LRRC56: variants seen among roughly 807,000 people sequenced by gnomAD.
LRRC56 encodes leucine-rich repeat-containing protein 56.
Under a neutral mutation model 47.8 loss-of-function variants are expected in LRRC56, and 41 were observed. That is an observed-to-expected ratio of 0.86 (90% confidence interval 0.67 to 1.11). The LOEUF is 1.11. LRRC56 is among the 50% of genes most tolerant of loss of function. The pLI, the probability that LRRC56 is intolerant of heterozygous loss-of-function variation, is 0.00. For synonymous variants in LRRC56, 387 were observed against 311.2 expected (o/e 1.24, Z -2.56); for missense variants, 759 against 704.2 (o/e 1.08, Z -0.88).
intron 8 of LRRC56, 62 bp downstream of exon 8, chr11:550,334 G>A: frequency 2.1e-6 from 3 of 1,437,410 alleles, no homozygotes. Flanking sequence ...TGTGGCTCCA[G>A]CCCCGGGGCC....
In LRRC56 at chr11:554,747, C is replaced by T. The variant is rs1053365657; in HGVS notation, c.*471C>T. On this transcript the variant is annotated 3_prime_UTR_variant, in exon 14 of 14. Transcript: ENST00000270115. Reference sequence around the variant, plus strand: ...GCCGCCGGGGGTGCGGTCCAGGCCTCCCGTCTCCGGGGGATCTGTAGGGTT... The same window carrying T: ...GCCGCCGGGGGTGCGGTCCAGGCCTTCCGTCTCCGGGGGATCTGTAGGGTT... 22 of 485,174 alleles carry T rather than the reference C, an allele frequency of 4.5e-5. No homozygotes were observed. Among genetic ancestry groups the T allele is most frequent in the African/African-American group, 1.5e-4 (7 of 48,262 alleles). The allele number at this position is 485,174 out of a possible 1,614,324, so 30.1% of individuals were successfully genotyped here. A position where few individuals can be genotyped will look rare whatever the true frequency, so the allele number is the denominator to read the frequency against.
chr11:518,807 A>G, the LRRC56 span, among the ~76,000 whole-genome samples: 1 of 151,742 alleles, frequency 6.6e-6, no homozygotes, highest in Non-Finnish European at 1.5e-5. Flanking sequence ...CCCCTCCTGG[A>G]TGTGGCCGGC....
chr11:523,228 C>T, the LRRC56 span, among the ~76,000 whole-genome samples: 1 of 152,048 alleles, frequency 6.6e-6, no homozygotes, highest in Admixed American at 6.5e-5. Context: ...AGAGTTTCAC[C>T]ACGTTGGTCA....
chr11:518,214 G>A, the LRRC56 span, among the ~76,000 whole-genome samples: 8 of 150,890 alleles, frequency 5.3e-5, no homozygotes, highest in Admixed American at 2.6e-4. Flanking sequence ...ATGGAGTCTC[G>A]CTCTGTCGCC....
chr11:540,085 G>A (rs1851720255), intron 3 of LRRC56, among the ~76,000 whole-genome samples: 1 of 152,228 alleles, frequency 6.6e-6, no homozygotes, highest in African/African-American at 2.4e-5. Context: ...AAGCCACTCT[G>A]ACTCTTGCAG....
the LRRC56 span, among the ~76,000 whole-genome samples, chr11:525,732 C>A: frequency 6.6e-6 from 1 of 151,640 alleles, no homozygotes; most frequent in East Asian, 1.9e-4. Flanking sequence ...CTGGTCTGTA[C>A]GAAAAATTAA....
chr11:511,181 C>T, the LRRC56 span, among the ~76,000 whole-genome samples: 3 of 151,792 alleles, frequency 2.0e-5, no homozygotes, highest in South Asian at 4.2e-4. Flanking sequence ...ATTAGCCGGG[C>T]GTGGTGGCGG....
At chr11:548,765 G>A (rs117750520) in intron 6 of LRRC56, among the ~76,000 whole-genome samples, 2,238 of 152,270 alleles carry the variant, frequency 0.015, 21 homozygotes, top group Middle Eastern at 0.031. Flanking sequence ...GCCTCAAGTG[G>A]TTTTTTAAGG....
chr11:513,401 C>T, the LRRC56 span, among the ~76,000 whole-genome samples: 45 of 152,240 alleles, frequency 3.0e-4, no homozygotes, highest in Admixed American at 2.4e-3. Flanking sequence ...ATCTGCCCGC[C>T]GTCCGCCTCA....
chr11:546,522 C>G (rs1463867717), intron 6 of LRRC56, among the ~76,000 whole-genome samples: 4 of 150,780 alleles, frequency 2.7e-5, no homozygotes, highest in African/African-American at 9.8e-5. Context: ...GAGCCAAGAT[C>G]GCACCACTAA....
chr11:546,531 A>G (rs569913502), intron 6 of LRRC56, among the ~76,000 whole-genome samples: 20 of 151,784 alleles, frequency 1.3e-4, no homozygotes, highest in African/African-American at 3.1e-4. Context: ...TCGCACCACT[A>G]AACTCCAGCC....
the LRRC56 span, chr11:532,460 C>T: frequency 1.1e-6 from 1 of 871,568 alleles, no homozygotes; most frequent in Non-Finnish European, 1.8e-6. Context: ...TCCGTCCTTC[C>T]TTCCTCCTCC....
chr11:552,323 C>G (rs980373648), intron 12 of LRRC56, 91 bp downstream of exon 12: 1 of 1,508,370 alleles, frequency 6.6e-7, no homozygotes, highest in African/African-American at 1.4e-5. Flanking sequence ...TCCCCAGTCC[C>G]AAGGCTCGTG....
Position 541,539 on chromosome 11 carries a change from G to A in LRRC56, c.180G>A (p.Gln60=). ...VEEYLSPARL[Q]ALARVDDLRL... is the part of the protein sequence containing the mutation. The stretch of plus-strand genomic sequence containing the variant: ...TGACCCCCGGTTGGTTTCTACAGCA[G>A]GCCCTGGCCCGGGTGGATGACCTTC... The change falls in exon 5 of 14, where the codon CAG becomes CAA. Residue 60 remains glutamine (Q), a splice_region_variant and synonymous_variant. Transcript: ENST00000270115. The surrounding 1 kb of genome is among the most constrained non-coding windows in gnomAD (Gnocchi z 4.1). 6.4e-7 allele frequency: 1 copy of A among 1,564,512 alleles called. No homozygotes were observed. Among genetic ancestry groups the A allele is most frequent in the Non-Finnish European group, 8.7e-7 (1 of 1,153,214 alleles).
At chr11:520,992 G>C in the LRRC56 span, among the ~76,000 whole-genome samples, 1 of 152,156 alleles carries the variant, frequency 6.6e-6, no homozygotes, top group Admixed American at 6.5e-5. Flanking sequence ...CCTGAACACC[G>C]GCATTTACTC....
At chr11:520,707 C>T in the LRRC56 span, among the ~76,000 whole-genome samples, 2 of 152,036 alleles carry the variant, frequency 1.3e-5, no homozygotes, top group Non-Finnish European at 2.9e-5. Context: ...ATGCTCAGAG[C>T]CCCCCGAGTC....
chr11:551,028 C>T (rs1852353583), intron 8 of LRRC56, 103 bp from the exon 9 acceptor site: 2 of 682,632 alleles, frequency 2.9e-6, no homozygotes, highest in Non-Finnish European at 4.7e-6. Context: ...GGCCCCTGCC[C>T]TGCCCCACGG....
Position 550,241 on chromosome 11 carries a change from G to A in LRRC56, c.593G>A (p.Cys198Tyr). 6.2e-7 allele frequency: 1 copy of A among 1,608,408 alleles called. No homozygotes were observed. The change falls in exon 8 of 14, where the codon TGC becomes TAC. Residue 198 changes from cysteine (C) to tyrosine (Y), a missense_variant. Coordinates refer to ENST00000270115, the MANE Select transcript of LRRC56 (RefSeq NM_198075.4). Reference sequence around the variant, plus strand: ...CTCACCCTGGAGGGCAACCTGGTGTGCCTACAGCCGGCCCCTGGCCCCACC... The same window carrying A: ...CTCACCCTGGAGGGCAACCTGGTGTACCTACAGCCGGCCCCTGGCCCCACC... The part of the protein sequence containing the change: ...AMLTLEGNLV[C>Y]LQPAPGPTNK...
At chr11:516,386 C>G in the LRRC56 span, among the ~76,000 whole-genome samples, 2 of 151,652 alleles carry the variant, frequency 1.3e-5, no homozygotes, top group Non-Finnish European at 2.9e-5. Context: ...GAGCGAGCCT[C>G]CATCTCAAAA....
Sources: gnomAD v4.1 joint callset for allele counts (sites outside exome capture counted in the v4.1 genomes callset) on GRCh38, gnomAD v4.1.1 for gene constraint, Gnocchi (gnomAD v3.1) non-coding constraint, MANE v1.5 for transcripts, NCBI Gene and HGNC (gene_info 2026-07-23, HGNC 2026-07-21) for gene names.